Variants in WDFY4 observed in about 807,000 individuals in gnomAD.
WDFY4 encodes the protein WDFY family member 4.
In WDFY4, 169 loss-of-function variants were observed where a neutral mutation model predicts 351.9. That is an observed-to-expected ratio of 0.48 (90% CI 0.42 to 0.55). The LOEUF (loss-of-function observed/expected upper bound fraction) is 0.55. Among genes scored for constraint, WDFY4 ranks in the 20% least tolerant of loss-of-function variants. The pLI is 0.00. For missense variants in WDFY4, 3,803 were observed against 3,935.6 expected (o/e 0.97, Z 0.90); for synonymous variants, 1,622 against 1,574.6 (o/e 1.03, Z -0.71).
intron 47 of WDFY4, among the ~76,000 whole-genome samples, chr10:48,911,869 T>TAGGGTA (rs550072403): frequency 1.1e-3 from 168 of 152,278 alleles, no homozygotes; most frequent in African/African-American, 3.9e-3. Context: ...AGAAATATGA[T>TAGGGTA]AGGGTTGTCA....
At chr10:48,824,569 G>A (rs748246802) in intron 35 of WDFY4, among the ~76,000 whole-genome samples, 2 of 152,100 alleles carry the variant, frequency 1.3e-5, no homozygotes, top group Non-Finnish European at 2.9e-5. Context: ...GCATAGCCTT[G>A]ATTGATCATT....
At chr10:48,840,683 T>A (rs947268654) in intron 39 of WDFY4, among the ~76,000 whole-genome samples, 26 of 152,068 alleles carry the variant, frequency 1.7e-4, no homozygotes, top group Non-Finnish European at 2.9e-4. Context: ...CAGCCCAGAT[T>A]TTGAAAAAGT....
chr10:48,848,815 C>T (rs1040786856), intron 39 of WDFY4, among the ~76,000 whole-genome samples: 1 of 152,220 alleles, frequency 6.6e-6, no homozygotes, highest in Non-Finnish European at 1.5e-5. Context: ...ATGTTCATGA[C>T]AACAATTAGT....
chr10:48,964,969 G>A (rs1394905157), intron 54 of WDFY4, among the ~76,000 whole-genome samples: 1 of 152,186 alleles, frequency 6.6e-6, no homozygotes, highest in Non-Finnish European at 1.5e-5. Context: ...CAGCTCCCAG[G>A]TAAAGGGAAT....
chr10:48,759,049 A>ATATATC (rs2065420108), intron 12 of WDFY4, among the ~76,000 whole-genome samples: 1 of 151,912 alleles, frequency 6.6e-6, no homozygotes, highest in African/African-American at 2.4e-5. Context: ...ATATATATAT[A>ATATATC]TATCTTAAGG....
chr10:48,904,767 C>G (rs558709582), intron 47 of WDFY4, among the ~76,000 whole-genome samples: 1 of 152,318 alleles, frequency 6.6e-6, no homozygotes, highest in Admixed American at 6.5e-5. Flanking sequence ...ATCCCAGAAC[C>G]AATCAAGTGT....
At chr10:48,744,318 C>G (rs1163447584) in intron 12 of WDFY4, among the ~76,000 whole-genome samples, 1 of 152,170 alleles carries the variant, frequency 6.6e-6, no homozygotes, top group Non-Finnish European at 1.5e-5. Context: ...GCATTTTTAT[C>G]CAGAGTGCCC....
chr10:48,778,486 C>A, intron 17 of WDFY4, 125 bp from the exon 18 acceptor site: 1 of 938,368 alleles, frequency 1.1e-6, no homozygotes, highest in Non-Finnish European at 1.6e-6. Flanking sequence ...GAGGAGACAA[C>A]TGGTGATTAG....
At chr10:48,884,256 T>C (rs963833370) in intron 43 of WDFY4, 1 of 152,258 alleles carries the variant, frequency 6.6e-6, no homozygotes, top group African/African-American at 2.4e-5. Context: ...CAGGTATCTT[T>C]AGCTGAGGCT....
chr10:48,723,713 C>T, intron 5 of WDFY4, 146 bp downstream of exon 5: 5 of 1,166,018 alleles, frequency 4.3e-6, no homozygotes, highest in Non-Finnish European at 5.9e-6. Flanking sequence ...CCTCCCCCTC[C>T]CCTCCCCACC....
chr10:48,729,057 G>C (rs776491616), intron 7 of WDFY4, among the ~76,000 whole-genome samples: 5 of 152,208 alleles, frequency 3.3e-5, no homozygotes, highest in Non-Finnish European at 7.3e-5. Flanking sequence ...GCACAAGGAA[G>C]TCCGACTATT....
intron 1 of WDFY4, among the ~76,000 whole-genome samples, chr10:48,690,539 G>A (rs2063165504): frequency 6.6e-6 from 1 of 152,140 alleles, no homozygotes; most frequent in Non-Finnish European, 1.5e-5. Flanking sequence ...CAGCTAAAAG[G>A]AGACCTAGTG....
intron 37 of WDFY4, 29 bp downstream of exon 37, chr10:48,828,925 G>T (rs3789322): frequency 0.07 from 20,347 of 289,198 alleles, 1,138 homozygotes; most frequent in African/African-American, 0.12. Flanking sequence ...TGTGTGTGTG[G>T]GCGGGGGGGG....
At chr10:48,885,383 A>C (rs1170595646) in intron 43 of WDFY4, among the ~76,000 whole-genome samples, 1 of 152,240 alleles carries the variant, frequency 6.6e-6, no homozygotes, top group African/African-American at 2.4e-5. Context: ...ATCAGTCCTT[A>C]GTGAACACAG....
chr10:48,769,753 A>T (rs968255561), intron 13 of WDFY4, among the ~76,000 whole-genome samples: 1 of 152,234 alleles, frequency 6.6e-6, no homozygotes, highest in Non-Finnish European at 1.5e-5. Context: ...ATTAATCTGG[A>T]CCAAGAGAGA....
chr10:48,913,870 T>C, intron 47 of WDFY4: 1 of 1,614,092 alleles, frequency 6.2e-7, no homozygotes, highest in Non-Finnish European at 8.5e-7. Flanking sequence ...AGCAGGCTGG[T>C]CATCTGGCCA....
At chr10:48,802,203 C>G (rs928247981) in intron 24 of WDFY4, among the ~76,000 whole-genome samples, 1 of 151,928 alleles carries the variant, frequency 6.6e-6, no homozygotes, top group Non-Finnish European at 1.5e-5. Flanking sequence ...AACAATACCC[C>G]ACTCTACAAA....
At chr10:48,752,541 C>T (rs2065215139) in intron 12 of WDFY4, among the ~76,000 whole-genome samples, 1 of 152,242 alleles carries the variant, frequency 6.6e-6, no homozygotes, top group Non-Finnish European at 1.5e-5. Flanking sequence ...TACTCATTCT[C>T]ATTCTTTTCC....
chr10:48,780,852 G>A (rs1044924897), intron 19 of WDFY4, among the ~76,000 whole-genome samples: 3 of 152,182 alleles, frequency 2.0e-5, no homozygotes, highest in African/African-American at 7.2e-5. Context: ...AAGTTCTCTT[G>A]CACAGGCTGC....
Sources: gnomAD v4.1 joint callset for allele counts (sites outside exome capture counted in the v4.1 genomes callset) on GRCh38, gnomAD v4.1.1 for gene constraint, MANE v1.5 for transcripts, NCBI Gene and HGNC (gene_info 2026-07-23, HGNC 2026-07-21) for gene names.